FER: variants seen among roughly 807,000 people sequenced by gnomAD.
FER encodes FER tyrosine kinase, also known as tyrosine-protein kinase Fer.
In FER, 63 loss-of-function variants were observed where a neutral mutation model predicts 111.0. The observed-to-expected ratio is 0.57, with a 90% CI of 0.46 to 0.70. The LOEUF (loss-of-function observed/expected upper bound fraction) is 0.70. Ranked by LOEUF, FER falls within the 30% of genes least tolerant of loss-of-function variation. FER has a pLI of 0.00. For synonymous variants in FER, 327 were observed against 313.9 expected, an observed-to-expected ratio of 1.04 and a Z score of -0.44; for missense variants, 914 against 954.0, an observed-to-expected ratio of 0.96 and a Z score of 0.55.
intron 17 of FER, among the ~76,000 whole-genome samples, chr5:109,148,089 T>C (rs572952394): frequency 2.0e-5 from 3 of 152,000 alleles, no homozygotes; most frequent in Non-Finnish European, 2.9e-5. Context: ...GGGGCATCTG[T>C]CTTAACTGGG....
chr5:109,185,096 G>A (rs143681196), intron 18 of FER, among the ~76,000 whole-genome samples: 15 of 152,294 alleles, frequency 9.8e-5, no homozygotes, highest in Admixed American at 8.5e-4. Context: ...TGGAGAGGCT[G>A]GAGATTGGAA....
chr5:109,019,343 A>G (rs1767621055), intron 13 of FER, among the ~76,000 whole-genome samples: 1 of 151,836 alleles, frequency 6.6e-6, no homozygotes, highest in African/African-American at 2.4e-5. Context: ...TATCCTGCTC[A>G]AAACATTTTA....
At chr5:108,916,500 C>T (rs76735733) in intron 10 of FER, among the ~76,000 whole-genome samples, 13 of 151,990 alleles carry the variant, frequency 8.6e-5, no homozygotes, top group Admixed American at 6.6e-4. Context: ...AGCATTGGAT[C>T]GGGAGGGGCC....
chr5:108,812,449 G>T (rs922537647), intron 3 of FER, among the ~76,000 whole-genome samples: 12 of 152,056 alleles, frequency 7.9e-5, no homozygotes, highest in African/African-American at 2.9e-4. Flanking sequence ...CATATATTTG[G>T]TATATTTGAA....
chr5:108,935,962 G>A (rs1755407689), intron 10 of FER, among the ~76,000 whole-genome samples: 1 of 151,956 alleles, frequency 6.6e-6, no homozygotes, highest in Admixed American at 6.6e-5. Flanking sequence ...GAATGGTTTG[G>A]GAAAGAGTCC....
chr5:109,185,330 AAC>A (rs977864528), intron 18 of FER, among the ~76,000 whole-genome samples: 21 of 152,340 alleles, frequency 1.4e-4, no homozygotes, highest in African/African-American at 4.6e-4. Flanking sequence ...CACTGTTTAA[AAC>A]ACACATAAAT....
At chr5:109,127,594 A>G (rs1379136127) in intron 17 of FER, among the ~76,000 whole-genome samples, 1 of 151,814 alleles carries the variant, frequency 6.6e-6, no homozygotes, top group Non-Finnish European at 1.5e-5. Context: ...TTTATTAGAG[A>G]CGGGGTTTCA....
At position 108,832,748 on chromosome 5, in the gene FER, TTC is replaced by T; in HGVS notation, c.208-20_208-19del. 1 of 1,445,612 alleles carries T rather than the reference TTC, an allele frequency of 6.9e-7. No homozygotes were observed. Among genetic ancestry groups the T allele is most frequent in the Non-Finnish European group, 9.2e-7 (1 of 1,089,192 alleles). 89.5% of individuals were successfully genotyped at this position (1,445,612 alleles called of 1,614,324 possible). On this transcript the variant is annotated intron_variant, in intron 3 of 19. Transcript: ENST00000281092. ...GGAAACCTTTAATGCAAATGTTTGT[TTC>T]TTTTTTTTTTTTTTTTAAGTCTTGG...
intron 18 of FER, among the ~76,000 whole-genome samples, chr5:109,183,841 GC>G (rs1393998643): frequency 6.6e-6 from 1 of 152,064 alleles, no homozygotes; most frequent in East Asian, 1.9e-4. Context: ...TGTATATTTG[GC>G]TTTAAAAAGA....
chr5:108,934,044 T>C (rs948735056), intron 10 of FER, among the ~76,000 whole-genome samples: 14 of 152,150 alleles, frequency 9.2e-5, no homozygotes, highest in Non-Finnish European at 1.8e-4. Context: ...TCTTCCTGTT[T>C]GAATACCCTT....
At chr5:108,776,198 G>T (rs556726567) in intron 2 of FER, among the ~76,000 whole-genome samples, 62 of 152,204 alleles carry the variant, frequency 4.1e-4, no homozygotes, top group African/African-American at 1.4e-3. Context: ...AAGAATATAT[G>T]TTGGGGGAAG....
intron 13 of FER, among the ~76,000 whole-genome samples, chr5:109,030,685 T>C (rs1055990485): frequency 6.6e-6 from 1 of 152,070 alleles, no homozygotes; most frequent in Non-Finnish European, 1.5e-5. Flanking sequence ...TATGGGATTG[T>C]TTGGTAGACT....
chr5:108,856,387 G>C (rs1763011955), intron 5 of FER, among the ~76,000 whole-genome samples: 1 of 152,012 alleles, frequency 6.6e-6, no homozygotes, highest in Admixed American at 6.5e-5. Flanking sequence ...GATATTATCT[G>C]CTTTTTCTAG....
At position 108,924,186 on chromosome 5, in the gene FER, G is replaced by A. The variant is rs528785094; in HGVS notation, c.1237-21944G>A. Among the ~76,000 whole-genome samples, 6 of 151,660 alleles carry A rather than the reference G, an allele frequency of 4.0e-5. No individual in the cohort carries two copies. In the South Asian group the frequency reaches 6.3e-4, roughly 16 times the overall value. On this transcript the variant is annotated intron_variant, in intron 10 of 19. Transcript: ENST00000281092. ...AGCCTGGCCAACATGGTAAAACCCC[G>A]TCTCTACTAAAAATACAAAAAAATT...
intron 13 of FER, among the ~76,000 whole-genome samples, chr5:108,983,738 A>ATG: frequency 6.6e-6 from 1 of 152,146 alleles, no homozygotes; most frequent in South Asian, 2.1e-4. Flanking sequence ...TAGAGGAGCA[A>ATG]GAGACATATG....
At chr5:108,833,832 C>T (rs1468277301) in intron 4 of FER, among the ~76,000 whole-genome samples, 1 of 151,368 alleles carries the variant, frequency 6.6e-6, no homozygotes, top group Non-Finnish European at 1.5e-5. Flanking sequence ...GGAGATCGCA[C>T]CACTGCACTC....
intron 5 of FER, among the ~76,000 whole-genome samples, chr5:108,840,147 G>C (rs1018387656): frequency 6.6e-6 from 1 of 152,100 alleles, no homozygotes; most frequent in African/African-American, 2.4e-5. Flanking sequence ...CTCTTGATCG[G>C]TAAATGCTTT....
rs1561534442 is a variant in FER, at chr5:108,866,591, A to AAAAG, written c.482-1173_482-1170dup. ...CCTAAAACTTAAAGTATTAAAAAAA[A>AAAAG]AAAGAATCAGCTAGAAACTGATGCC... is the stretch of plus-strand genomic sequence containing the variant. On this transcript the variant is annotated intron_variant, in intron 5 of 19. Transcript: ENST00000281092. 2.0e-5 allele frequency among the ~76,000 whole-genome samples: 3 copies of AAAAG among 152,272 alleles called. No homozygotes were observed. The South Asian group carries it at 6.2e-4, about 32-fold the overall frequency.
At chr5:108,850,430 G>C (rs913278225) in intron 5 of FER, among the ~76,000 whole-genome samples, 1 of 151,982 alleles carries the variant, frequency 6.6e-6, no homozygotes, top group Non-Finnish European at 1.5e-5. Context: ...TCCTTTTGTA[G>C]TACTTGATTT....
Sources: allele counts gnomAD v4.1 joint callset (sites outside exome capture counted in the v4.1 genomes callset), GRCh38; gene constraint gnomAD v4.1.1; transcripts MANE v1.5; gene names NCBI Gene and HGNC (gene_info 2026-07-23, HGNC 2026-07-21).